The following PPP2R2C variants were observed in gnomAD, a reference collection of about 807,000 sequenced individuals.
PPP2R2C encodes the protein protein phosphatase 2 regulatory subunit Bgamma, also known as protein phosphatase 2, regulatory subunit B, gamma.
In PPP2R2C, 10 loss-of-function variants were observed where a neutral mutation model predicts 45.3. The ratio of observed to expected loss-of-function variants is 0.22; its 90% CI spans 0.14 to 0.37. The LOEUF is 0.37. Among genes scored for constraint, PPP2R2C ranks in the 10% least tolerant of loss-of-function variants. PPP2R2C has a pLI of 1.00. For synonymous variants in PPP2R2C, 257 were observed against 245.4 expected (o/e 1.05, Z -0.44); for missense variants, 308 against 619.7 (o/e 0.50, Z 5.34).
intron 1 of PPP2R2C, among the ~76,000 whole-genome samples, chr4:6,401,647 G>C (rs566259646): frequency 4.6e-5 from 7 of 152,114 alleles, no homozygotes; most frequent in African/African-American, 1.7e-4. Flanking sequence ...GTGATCTCAT[G>C]AGCCTGAGAG....
At chr4:6,531,313 C>T (rs1413831343) in intron 2 of PPP2R2C, among the ~76,000 whole-genome samples, 73 of 152,198 alleles carry the variant, frequency 4.8e-4, no homozygotes, top group Non-Finnish European at 8.8e-5. Context: ...GGGTGCTGTG[C>T]ACCCTCACAG....
At chr4:6,460,657 T>C (rs779621377) in intron 1 of PPP2R2C, among the ~76,000 whole-genome samples, 1 of 152,230 alleles carries the variant, frequency 6.6e-6, no homozygotes, top group Admixed American at 6.5e-5. Flanking sequence ...TATACCTAGA[T>C]AGTATGTATA....
chr4:6,446,979 C>T (rs546759963), intron 1 of PPP2R2C, among the ~76,000 whole-genome samples: 190 of 151,998 alleles, frequency 1.3e-3, no homozygotes, highest in Non-Finnish European at 2.1e-3. Flanking sequence ...GACCACGGTG[C>T]GGGGCAAGGT....
In PPP2R2C at chr4:6,538,798, C is replaced by G. The variant is rs568244874; in HGVS notation, c.-58-3421G>C. Among the ~76,000 whole-genome samples, 67 of 152,278 alleles carry G rather than the reference C, an allele frequency of 4.4e-4. 1 individual carries two copies. Among genetic ancestry groups the G allele is most frequent in the East Asian group, 2.1e-3 (11 of 5,160 alleles). On this transcript the variant is annotated intron_variant, in intron 1 of 9. Transcript: ENST00000506140. ...AGACGCGTGGAGCTGGCCGCTCCCC[C>G]GCACCGTCATGAAATGTCCTCCCGG...
Position 6,378,349 on chromosome 4 carries a change from A to G in PPP2R2C, c.334+58T>C. The G allele has an allele frequency of 6.2e-7, 1 of 1,609,518 alleles. No homozygotes were observed. The highest frequency in any genetic ancestry group is 1.1e-5 in the South Asian group (1 of 90,474). Reference sequence around the variant, plus strand: ...CAATATAAGTGAAATACAAACCAGCATTTGGTAGAAACATCTACGGCCTGT... The same window carrying G: ...CAATATAAGTGAAATACAAACCAGCGTTTGGTAGAAACATCTACGGCCTGT... On this transcript the variant is annotated intron_variant, in intron 3 of 8. Transcript: ENST00000382599. This position sits in a 1 kb window ranked among gnomAD's most constrained non-coding sequence, Gnocchi z 5.2.
In PPP2R2C at chr4:6,332,111, T is replaced by G. The variant is rs532247874; in HGVS notation, c.960+1451A>C. Among the ~76,000 whole-genome samples, 2 of 152,310 alleles carry G rather than the reference T, an allele frequency of 1.3e-5. No individual in the cohort carries two copies. Among genetic ancestry groups the G allele is most frequent in the East Asian group, 3.9e-4 (2 of 5,192 alleles). On this transcript the variant is annotated intron_variant, in intron 7 of 8. Coordinates refer to ENST00000382599, the MANE Select transcript of PPP2R2C (RefSeq NM_020416.4). This position sits in a 1 kb window ranked among gnomAD's most constrained non-coding sequence, Gnocchi z 4.9. ...GTCCCCCTCCCCCTGAAAATGCTCA[T>G]AGAACACATTCCACGTAGTTTCAGG...
chr4:6,409,761 G>C (rs1209429256), intron 1 of PPP2R2C, among the ~76,000 whole-genome samples: 1 of 152,192 alleles, frequency 6.6e-6, no homozygotes, highest in Non-Finnish European at 1.5e-5. Context: ...TGGAGCTGGG[G>C]ATAGAGCCAA....
In PPP2R2C at chr4:6,329,199, A is replaced by G; in HGVS notation, c.1052+63T>C. The stretch of plus-strand genomic sequence containing the variant: ...GCGGGTCACCGGAATCCCAGCCCAG[A>G]CCCCTGCAGGGCAGAAACCCTCCCT... On this transcript the variant is annotated intron_variant, in intron 8 of 8. Transcript: ENST00000382599. The surrounding 1 kb of genome is among the most constrained non-coding windows in gnomAD (Gnocchi z 5.8). 2 of 1,499,384 alleles carry G rather than the reference A, an allele frequency of 1.3e-6. No individual in the cohort carries two copies. The highest frequency in any genetic ancestry group is 1.8e-6 in the Non-Finnish European group (2 of 1,082,856). 92.9% of individuals were successfully genotyped at this position (1,499,384 alleles called of 1,614,324 possible). A position where few individuals can be genotyped will look rare whatever the true frequency, so the allele number is the denominator to read the frequency against.
At chr4:6,412,810 A>G (rs1310720341) in intron 1 of PPP2R2C, among the ~76,000 whole-genome samples, 1 of 152,162 alleles carries the variant, frequency 6.6e-6, no homozygotes, top group Non-Finnish European at 1.5e-5. Flanking sequence ...TGGAGCCCCC[A>G]TGAATGGGAT....
intron 1 of PPP2R2C, among the ~76,000 whole-genome samples, chr4:6,433,457 G>T (rs941493164): frequency 2.0e-5 from 3 of 152,110 alleles, no homozygotes; most frequent in African/African-American, 7.2e-5. Context: ...CGCCTGAAAC[G>T]GTGCCGCCAA....
intron 1 of PPP2R2C, among the ~76,000 whole-genome samples, chr4:6,544,967 A>G (rs1724930758): frequency 6.6e-6 from 1 of 152,146 alleles, no homozygotes; most frequent in Non-Finnish European, 1.5e-5. Flanking sequence ...TTTTTTTTAT[A>G]ATTTCCTCAG....
intron 2 of PPP2R2C, among the ~76,000 whole-genome samples, chr4:6,508,866 CAAGGG>C (rs1178207721): frequency 6.6e-6 from 1 of 152,200 alleles, no homozygotes; most frequent in Non-Finnish European, 1.5e-5. Flanking sequence ...AAAAACAAAT[CAAGGG>C]AAGAGAGGCA....
At chr4:6,497,891 G>A (rs924196357) in intron 2 of PPP2R2C, among the ~76,000 whole-genome samples, 12 of 152,218 alleles carry the variant, frequency 7.9e-5, no homozygotes, top group Non-Finnish European at 2.9e-5. Flanking sequence ...AGGCTCTGCA[G>A]GGAAATGGAA....
intron 6 of PPP2R2C, 106 bp from the exon 7 acceptor site, chr4:6,333,837 GTCAT>G (rs1732619912): frequency 8.2e-7 from 1 of 1,213,480 alleles, no homozygotes; most frequent in Non-Finnish European, 1.2e-6. Context: ...TGTTTATTCA[GTCAT>G]TCATTCATTC....
chr4:6,394,568 C>T (rs1471772097), intron 1 of PPP2R2C, among the ~76,000 whole-genome samples: 1 of 152,224 alleles, frequency 6.6e-6, no homozygotes, highest in Non-Finnish European at 1.5e-5. Flanking sequence ...TCAGTTTTCC[C>T]ATTTGCAAAA....
chr4:6,422,595 T>G (rs186585685), intron 1 of PPP2R2C, among the ~76,000 whole-genome samples: 136 of 152,328 alleles, frequency 8.9e-4, no homozygotes, highest in African/African-American at 3.1e-3. Flanking sequence ...TGGTTTCTTC[T>G]GAAGCCTCTC....
intron 1 of PPP2R2C, among the ~76,000 whole-genome samples, chr4:6,421,487 C>T (rs757042658): frequency 2.3e-4 from 35 of 152,272 alleles, no homozygotes; most frequent in Middle Eastern, 3.4e-3. Context: ...GTGGATTACC[C>T]GGAAGTGCCG....
intron 1 of PPP2R2C, among the ~76,000 whole-genome samples, chr4:6,431,075 TC>T (rs1719589236): frequency 6.6e-6 from 1 of 152,154 alleles, no homozygotes; most frequent in Non-Finnish European, 1.5e-5. Context: ...CTAGGGAGAT[TC>T]TGGATGACAG....
intron 1 of PPP2R2C, among the ~76,000 whole-genome samples, chr4:6,557,513 T>C (rs1725442408): frequency 6.6e-6 from 1 of 152,184 alleles, no homozygotes; most frequent in South Asian, 2.1e-4. Flanking sequence ...ACATGGAAGC[T>C]GCGACCTGAA....
Sources: allele counts gnomAD v4.1 joint callset (sites outside exome capture counted in the v4.1 genomes callset), GRCh38; gene constraint gnomAD v4.1.1; non-coding constraint Gnocchi (gnomAD v3.1); transcripts MANE v1.5; gene names NCBI Gene and HGNC (gene_info 2026-07-23, HGNC 2026-07-21).